SGMS1: variants seen among roughly 807,000 people sequenced by gnomAD.
The protein encoded by SGMS1 is sphingomyelin synthase 1.
A neutral mutation model predicts 46.2 loss-of-function variants in SGMS1; 13 were observed. The ratio of observed to expected loss-of-function variants is 0.28; its 90% confidence interval spans 0.18 to 0.45. The LOEUF (loss-of-function observed/expected upper bound fraction) is 0.45, where lower values mean the gene tolerates loss of function less well. SGMS1 is among the 20% of genes least tolerant of loss of function. SGMS1 has a pLI of 1.00. For synonymous variants in SGMS1, 203 were observed against 187.8 expected (o/e 1.08, Z -0.66); for missense variants, 324 against 519.9 (o/e 0.62, Z 3.66).
chr10:50,427,276 G>C (rs1849339381), intron 6 of SGMS1, among the ~76,000 whole-genome samples: 1 of 152,144 alleles, frequency 6.6e-6, no homozygotes, highest in African/African-American at 2.4e-5. Flanking sequence ...GCGGGCGCCT[G>C]TAGTCCCAGC....
intron 9 of SGMS1, among the ~76,000 whole-genome samples, chr10:50,310,581 G>C (rs948247696): frequency 2.6e-5 from 4 of 151,644 alleles, no homozygotes; most frequent in African/African-American, 9.8e-5. Flanking sequence ...GGATGGAAAT[G>C]ATATAGGAAA....
At chr10:50,528,690 G>A (rs781348951) in intron 2 of SGMS1, among the ~76,000 whole-genome samples, 69 of 152,158 alleles carry the variant, frequency 4.5e-4, no homozygotes, top group Non-Finnish European at 7.9e-4. Flanking sequence ...CTTGAGTCCA[G>A]GAGCCCTAGA....
At chr10:50,499,575 C>A (rs998187142) in intron 3 of SGMS1, among the ~76,000 whole-genome samples, 5 of 152,194 alleles carry the variant, frequency 3.3e-5, no homozygotes, top group African/African-American at 4.8e-5. Context: ...ATAGTATTTT[C>A]TTATATACAA....
At chr10:50,372,938 G>A (rs1848464377) in intron 6 of SGMS1, among the ~76,000 whole-genome samples, 1 of 97,574 alleles carries the variant, frequency 1.0e-5, no homozygotes. Flanking sequence ...CAAAGTCAAT[G>A]CTATAATATA....
chr10:50,601,699 C>G (rs1405789902), intron 1 of SGMS1, among the ~76,000 whole-genome samples: 1 of 152,208 alleles, frequency 6.6e-6, no homozygotes, highest in Non-Finnish European at 1.5e-5. Context: ...CCTAACACTA[C>G]TCATCAGATG....
intron 8 of SGMS1, among the ~76,000 whole-genome samples, chr10:50,322,970 C>T (rs1441657016): frequency 6.6e-6 from 1 of 152,016 alleles, no homozygotes; most frequent in African/African-American, 2.4e-5. Flanking sequence ...CCAGTGTAAG[C>T]CATGCACATG....
At chr10:50,535,917 T>C (rs1385911535) in intron 2 of SGMS1, among the ~76,000 whole-genome samples, 4 of 152,192 alleles carry the variant, frequency 2.6e-5, no homozygotes, top group Non-Finnish European at 5.9e-5. Context: ...ACTAGACAAA[T>C]GTAGTTAGTA....
intron 6 of SGMS1, among the ~76,000 whole-genome samples, chr10:50,422,667 C>G (rs941906599): frequency 6.6e-6 from 1 of 152,202 alleles, no homozygotes; most frequent in African/African-American, 2.4e-5. Flanking sequence ...ACATCACTCT[C>G]AACCACAAAC....
intron 3 of SGMS1, among the ~76,000 whole-genome samples, chr10:50,509,337 T>C (rs1260832204): frequency 6.6e-6 from 1 of 152,220 alleles, no homozygotes; most frequent in African/African-American, 2.4e-5. Flanking sequence ...ATTCTTGCTG[T>C]AAACATTTGT....
rs1210339010 is a variant in SGMS1, at chr10:50,307,218, T to C, written c.1166A>G (p.Tyr389Cys). The part of the protein sequence containing the change: ...KNVQGIVPRS[Y>C]HWPFPWPVVH... ...TACTGGCCAGGGGAAAGGCCAATGG[T>C]AAGATCGAGGTACAATTCCTTGGAC... is the stretch of plus-strand genomic sequence containing the variant. The change falls in exon 11 of 11, where the codon TAC (tyrosine) becomes TGC (cysteine). Residue 389 changes from tyrosine to cysteine, a missense_variant. Physicochemically the swap from Tyr to Cys is radical, Grantham distance 194. This residue lies in a region of SGMS1 where 174 missense variants were observed against 350.1 expected (regional missense o/e 0.50). Coordinates refer to ENST00000361781, the MANE Select transcript of SGMS1 (RefSeq NM_147156.4). This position sits in a 1 kb window ranked among gnomAD's most constrained non-coding sequence, Gnocchi z 4.2. The C allele has an allele frequency of 6.2e-7, 1 of 1,613,984 alleles. No individual in the cohort carries two copies. Among genetic ancestry groups the C allele is most frequent in the Non-Finnish European group, 8.5e-7 (1 of 1,180,008 alleles).
At chr10:50,369,279 T>C (rs1173330400) in intron 6 of SGMS1, among the ~76,000 whole-genome samples, 1 of 152,188 alleles carries the variant, frequency 6.6e-6, no homozygotes, top group Non-Finnish European at 1.5e-5. Context: ...AGGAGTATTG[T>C]TTGAGCCTAC....
intron 8 of SGMS1, among the ~76,000 whole-genome samples, chr10:50,317,174 G>A (rs1847353875): frequency 6.6e-6 from 1 of 152,202 alleles, no homozygotes; most frequent in Non-Finnish European, 1.5e-5. Flanking sequence ...TCCCCACCAG[G>A]AAGGTAATGT....
chr10:50,614,219 C>A (rs1314860860), intron 1 of SGMS1, among the ~76,000 whole-genome samples: 1 of 151,784 alleles, frequency 6.6e-6, no homozygotes, highest in Non-Finnish European at 1.5e-5. Flanking sequence ...CTAATGAGTG[C>A]TGACTTATAT....
chr10:50,537,869 A>G (rs1453004289), intron 2 of SGMS1, among the ~76,000 whole-genome samples: 1 of 152,180 alleles, frequency 6.6e-6, no homozygotes, highest in African/African-American at 2.4e-5. Context: ...AAAGCCATCC[A>G]AGAAGATGGC....
intron 6 of SGMS1, among the ~76,000 whole-genome samples, chr10:50,381,291 A>AAG (rs1848602217): frequency 6.9e-6 from 1 of 145,832 alleles, no homozygotes; most frequent in African/African-American, 2.7e-5. Flanking sequence ...GAAGAAGAAG[A>AAG]AAAAAAAAAT....
chr10:50,573,235 G>C (rs1191281307), intron 2 of SGMS1, among the ~76,000 whole-genome samples: 1 of 152,116 alleles, frequency 6.6e-6, no homozygotes, highest in Non-Finnish European at 1.5e-5. Context: ...GTCCCAGCCA[G>C]AGCAATGAGG....
chr10:50,442,053 T>G (rs1849552637), intron 5 of SGMS1, among the ~76,000 whole-genome samples: 1 of 152,210 alleles, frequency 6.6e-6, no homozygotes, highest in Admixed American at 6.5e-5. Context: ...CTTTTATTTT[T>G]TTATTTTTTT....
At chr10:50,389,230 T>G (rs1173798748) in intron 6 of SGMS1, among the ~76,000 whole-genome samples, 1 of 152,162 alleles carries the variant, frequency 6.6e-6, no homozygotes, top group African/African-American at 2.4e-5. Context: ...CCCAAGGGGC[T>G]CTAATAAAAG....
At chr10:50,568,201 T>C (rs74131426) in intron 2 of SGMS1, among the ~76,000 whole-genome samples, 3,091 of 152,300 alleles carry the variant, frequency 0.02, 119 homozygotes, top group African/African-American at 0.071. Context: ...TTTTTATTTC[T>C]TCCAAACGTT....
Sources: allele counts gnomAD v4.1 joint callset (sites outside exome capture counted in the v4.1 genomes callset), GRCh38; gene constraint gnomAD v4.1.1; regional missense constraint gnomAD v4.1.1; non-coding constraint Gnocchi (gnomAD v3.1); transcripts MANE v1.5; gene names NCBI Gene and HGNC (gene_info 2026-07-23, HGNC 2026-07-21).